Variants in ACTN2 observed in about 807,000 individuals in gnomAD.
The protein encoded by ACTN2 is alpha-actinin-2.
Under a neutral mutation model 113.8 loss-of-function variants are expected in ACTN2, and 39 were observed. The observed-to-expected ratio is 0.34, with a 90% CI of 0.27 to 0.45. ACTN2 has a LOEUF of 0.45. ACTN2 is among the 20% of genes least tolerant of loss of function. The pLI is 1.00. For missense variants in ACTN2, 992 were observed against 1,177.9 expected, an observed-to-expected ratio of 0.84 and a Z score of 2.31; for synonymous variants, 429 against 444.1, an observed-to-expected ratio of 0.97 and a Z score of 0.43.
chr1:236,744,320 A>G (rs920719438), intron 11 of ACTN2, among the ~76,000 whole-genome samples: 7 of 152,236 alleles, frequency 4.6e-5, no homozygotes, highest in African/African-American at 9.6e-5. Context: ...TCATGCAGGA[A>G]TCAGATACTT....
Position 236,754,971 on chromosome 1 carries a change from G to A in ACTN2, c.1975-48G>A. 1 of 1,612,092 alleles carries A rather than the reference G, an allele frequency of 6.2e-7. No homozygotes were observed. Among genetic ancestry groups the A allele is most frequent in the Non-Finnish European group, 8.5e-7 (1 of 1,178,598 alleles). ...CGCCTCGTGCCGAGCTCCCTTAGAG[G>A]GCACTTCACTCTGCTTCTCTCTCTG... is the stretch of plus-strand genomic sequence containing the variant. On this transcript the variant is annotated intron_variant, in intron 16 of 20. Transcript: ENST00000366578. The surrounding 1 kb of genome is among the most constrained non-coding windows in gnomAD (Gnocchi z 4.9).
In ACTN2 at chr1:236,739,362, A is replaced by T. The variant is rs754373136; in HGVS notation, c.937A>T (p.Met313Leu). Reference sequence around the variant, plus strand: ...GGAGAACCGGACTCCCGAGAAGACCATGCAAGCCATGCAGAAGAAGCTGGA... The same window carrying T: ...GGAGAACCGGACTCCCGAGAAGACCTTGCAAGCCATGCAGAAGAAGCTGGA... ...WLENRTPEKT[M>L]QAMQKKLEDF... Residue 313 changes from methionine (M) to leucine (L), a missense_variant, in exon 10 of 21, where the codon ATG becomes TTG. Met to Leu is a conservative substitution (Grantham distance 15). Coordinates refer to ENST00000366578, the MANE Select transcript of ACTN2 (RefSeq NM_001103.4). 15 of 1,613,986 alleles carry T rather than the reference A, an allele frequency of 9.3e-6. No individual in the cohort carries two copies. The South Asian group carries it at 1.6e-4, about 18-fold the overall frequency.
chr1:236,751,607 G>T lies in ACTN2; in HGVS notation c.1794G>T (p.Pro598=). 6.2e-7 allele frequency: 1 copy of T among 1,613,984 alleles called. No individual in the cohort carries two copies. The highest frequency in any genetic ancestry group is 8.5e-7 in the Non-Finnish European group (1 of 1,179,914). ...SYNIRISSSN[P]YSTVTMDELR... is the part of the protein sequence containing the mutation. ...ACATCAGAATCAGCTCAAGCAACCC[G>T]TACAGCACTGTCACCATGGATGAGC... Residue 598 remains proline, a synonymous_variant, in exon 15 of 21, where the codon CCG becomes CCT. Transcript: ENST00000366578.
chr1:236,761,252 A>T, intron 20 of ACTN2, 79 bp downstream of exon 20: 1 of 1,548,434 alleles, frequency 6.5e-7, no homozygotes, highest in East Asian at 2.2e-5. Flanking sequence ...AGTGTTGTAA[A>T]TAAAAACCAT....
chr1:236,709,291 T>C (rs1332653057), intron 1 of ACTN2, among the ~76,000 whole-genome samples: 2 of 142,282 alleles, frequency 1.4e-5, no homozygotes, highest in Admixed American at 1.4e-4. Flanking sequence ...TATATATATG[T>C]ATATATGTAT....
At position 236,761,432 on chromosome 1, in the gene ACTN2, C is replaced by CGTGTGTGTGT. The variant is rs3831321; in HGVS notation, c.2526+276_2526+285dup. Among the ~76,000 whole-genome samples the CGTGTGTGTGT allele has an allele frequency of 2.3e-3, 348 of 150,536 alleles. 1 individual carries two copies. Among genetic ancestry groups the CGTGTGTGTGT allele is most frequent in the African/African-American group, 8.2e-3 (335 of 40,936 alleles). Reference sequence around the variant, plus strand: ...AGGGACAAGAGTGTATTTGTACTTGCGTGTGTGTGTGTGTGTGTGTGTGTG... The same window carrying CGTGTGTGTGT: ...AGGGACAAGAGTGTATTTGTACTTGCGTGTGTGTGTGTGTGTGTGTGTGTGTGTGTGTGTG... On this transcript the variant is annotated intron_variant, in intron 20 of 20. Transcript: ENST00000366578.
chr1:236,739,044 C>T (rs555692718), intron 9 of ACTN2, among the ~76,000 whole-genome samples: 3 of 152,024 alleles, frequency 2.0e-5, no homozygotes, highest in Non-Finnish European at 4.4e-5. Context: ...TTCTTGTAAA[C>T]GTCACATTTT....
Position 236,719,081 on chromosome 1 carries a change from G to C in ACTN2, c.361+68G>C, listed in dbSNP as rs1044929547. Reference sequence around the variant, plus strand: ...ATAGCGTAGGTGTGGGCTGCGACTTGAATTCTCCCCTTCTTCCCTCCCTTT... The same window carrying C: ...ATAGCGTAGGTGTGGGCTGCGACTTCAATTCTCCCCTTCTTCCCTCCCTTT... On this transcript the variant is annotated intron_variant, in intron 3 of 20. Coordinates refer to ENST00000366578, the MANE Select transcript of ACTN2 (RefSeq NM_001103.4). 7 of 1,604,312 alleles carry C rather than the reference G, an allele frequency of 4.4e-6. No homozygotes were observed. In the African/African-American group the frequency reaches 9.4e-5, roughly 21 times the overall value.
intron 10 of ACTN2, among the ~76,000 whole-genome samples, chr1:236,741,769 T>C (rs942185886): frequency 1.3e-5 from 2 of 152,216 alleles, no homozygotes; most frequent in South Asian, 4.1e-4. Context: ...TTAAAATTCA[T>C]CCCGCCTACA....
chr1:236,737,238 GTTCTGTCCA>G, intron 9 of ACTN2, 24 bp downstream of exon 9: 2 of 1,535,162 alleles, frequency 1.3e-6, no homozygotes, highest in Non-Finnish European at 1.8e-6. Context: ...GTGACCTGCA[GTTCTGTCCA>G]TCCTCACGCA....
Position 236,720,190 on chromosome 1 carries a change from A to C in ACTN2, c.447A>C (p.Glu149Asp), listed in dbSNP as rs1658342868. ...TTGCTATTCAGGATATTTCGGTTGA[A>C]GGTAAAAGACATGGTTAAAAGTCTA... ...LRFAIQDISV[E>D]ETSAKEGLLL... The change falls in exon 4 of 21, where the codon GAA becomes GAC. Residue 149 changes from glutamate (E) to aspartate (D), a missense_variant and splice_region_variant. Glu to Asp is a conservative substitution (Grantham distance 45, BLOSUM62 2). Around this residue, in one of 3 missense-constraint regions of ACTN2, gnomAD observed 220 missense variants for 337.5 expected, o/e 0.65. Transcript: ENST00000366578. 6.2e-7 allele frequency: 1 copy of C among 1,609,366 alleles called. No homozygotes were observed. Among genetic ancestry groups the C allele is most frequent in the Non-Finnish European group, 8.5e-7 (1 of 1,175,604 alleles).
intron 7 of ACTN2, chr1:236,734,423 C>T (rs1192720470): frequency 6.5e-7 from 1 of 1,529,294 alleles, no homozygotes; most frequent in East Asian, 2.4e-5. Context: ...ACCTTCTTTT[C>T]TCCACACAGA....
At chr1:236,687,990 T>C (rs1226664600) in intron 1 of ACTN2, among the ~76,000 whole-genome samples, 2 of 152,222 alleles carry the variant, frequency 1.3e-5, no homozygotes, top group African/African-American at 4.8e-5. Context: ...TTAAGGCTTT[T>C]ACCATCCCTA....
intron 1 of ACTN2, among the ~76,000 whole-genome samples, chr1:236,689,281 C>A (rs1665982841): frequency 7.0e-6 from 1 of 142,996 alleles, no homozygotes; most frequent in Non-Finnish European, 1.5e-5. Context: ...AAGAAAAATG[C>A]CTGCAGTATT....
chr1:236,713,576 GA>G (rs879889748), intron 1 of ACTN2, among the ~76,000 whole-genome samples: 7 of 151,910 alleles, frequency 4.6e-5, no homozygotes, highest in African/African-American at 7.2e-5. Flanking sequence ...GGACCAAAGG[GA>G]AAAAAAAGAC....
intron 6 of ACTN2, among the ~76,000 whole-genome samples, chr1:236,729,292 C>G (rs1372171160): frequency 6.6e-6 from 1 of 152,106 alleles, no homozygotes; most frequent in Non-Finnish European, 1.5e-5. Flanking sequence ...CCACTGCCCT[C>G]CAGCCTGGGC....
chr1:236,737,314 T>C, intron 9 of ACTN2, 100 bp downstream of exon 9: 2 of 303,958 alleles, frequency 6.6e-6, no homozygotes, highest in South Asian at 3.3e-5. Flanking sequence ...TATATATATA[T>C]ATATTTTGCA....
In ACTN2 at chr1:236,739,552, C is replaced by T. The variant is rs1558241583; in HGVS notation, c.1107+20C>T. 1 of 1,612,718 alleles carries T rather than the reference C, an allele frequency of 6.2e-7. No homozygotes were observed. Among genetic ancestry groups the T allele is most frequent in the Non-Finnish European group, 8.5e-7 (1 of 1,179,158 alleles). On this transcript the variant is annotated intron_variant, in intron 10 of 20. Transcript: ENST00000366578. ...GTGTCGGTGAGTAGCAAGCGCCAAG[C>T]CCTCCTGGCGCCACGGGAAGCCCTC...
rs1235849172 is a variant in ACTN2 at position 236,763,037 on chromosome 1, C to A, written c.*418C>A. 1.6e-5 allele frequency: 5 copies of A among 313,088 alleles called. No homozygotes were observed. The highest frequency in any genetic ancestry group is 2.2e-5 in the African/African-American group (1 of 45,700). 19.4% of individuals were successfully genotyped at this position (313,088 alleles called of 1,614,324 possible). A position where few individuals can be genotyped will look rare whatever the true frequency, so the allele number is the denominator to read the frequency against. On this transcript the variant is annotated 3_prime_UTR_variant, in exon 21 of 21. Coordinates refer to ENST00000366578, the MANE Select transcript of ACTN2 (RefSeq NM_001103.4). ...AAGGTTTGCTATTTGTAAAAAATTT[C>A]ATTTATCTCTAATATGCTTATGTGA...
Sources: allele counts gnomAD v4.1 joint callset (sites outside exome capture counted in the v4.1 genomes callset), GRCh38; gene constraint gnomAD v4.1.1; regional missense constraint gnomAD v4.1.1; non-coding constraint Gnocchi (gnomAD v3.1); transcripts MANE v1.5; gene names NCBI Gene and HGNC (gene_info 2026-07-23, HGNC 2026-07-21).